PTPN21: variants seen among roughly 807,000 people sequenced by gnomAD.
PTPN21 encodes the protein tyrosine-protein phosphatase non-receptor type 21.
Under a neutral mutation model 131.8 loss-of-function variants are expected in PTPN21, and 77 were observed. That is an observed-to-expected ratio of 0.58 (90% CI 0.49 to 0.71). The LOEUF is 0.71. Ranked by LOEUF, PTPN21 falls within the 30% of genes least tolerant of loss-of-function variation. The pLI, the probability that PTPN21 is intolerant of heterozygous loss-of-function variation, is 0.00. For missense variants in PTPN21, 1,552 were observed against 1,527.1 expected (o/e 1.02, Z -0.27); for synonymous variants, 715 against 621.3 (o/e 1.15, Z -2.24).
At chr14:88,472,000 G>A (rs1353929479) in intron 15 of PTPN21, among the ~76,000 whole-genome samples, 2 of 152,150 alleles carry the variant, frequency 1.3e-5, no homozygotes, top group African/African-American at 4.8e-5. Context: ...TTCGCACATG[G>A]AGAGTAGACA....
chr14:88,551,847 A>G (rs1047805358), intron 1 of PTPN21: 2 of 152,286 alleles, frequency 1.3e-5, no homozygotes, highest in African/African-American at 2.4e-5. Context: ...GGGCTCTAAC[A>G]GTTTTTAACC....
At chr14:88,477,456 A>AAAAAAAG (rs2077564543) in intron 13 of PTPN21, among the ~76,000 whole-genome samples, 1 of 140,358 alleles carries the variant, frequency 7.1e-6, no homozygotes, top group Non-Finnish European at 1.5e-5. Context: ...TAAAAAAAAA[A>AAAAAAAG]AAAAAAAAAA....
At chr14:88,490,897 G>GCC in intron 10 of PTPN21, among the ~76,000 whole-genome samples, 1 of 152,046 alleles carries the variant, frequency 6.6e-6, no homozygotes, top group South Asian at 2.1e-4. Context: ...GAGCAGGGGA[G>GCC]CCACCTACAC....
chr14:88,524,334 T>C (rs902019238), intron 2 of PTPN21, among the ~76,000 whole-genome samples: 9 of 152,164 alleles, frequency 5.9e-5, no homozygotes, highest in Non-Finnish European at 8.8e-5. Context: ...TACAGTCAAC[T>C]GATTTTAAAT....
Position 88,541,701 on chromosome 14 carries a change from C to A in PTPN21, c.180+8537G>T, listed in dbSNP as rs1013415758. On this transcript the variant is annotated intron_variant, in intron 2 of 18. Transcript: ENST00000556564. ...GAGCAATGAATGGCCCTTCCTGAGA[C>A]CTAAAGATGAAGGCCAAAGAAAAAA... Among the ~76,000 whole-genome samples, 3 of 152,120 alleles carry A rather than the reference C, an allele frequency of 2.0e-5. No individual in the cohort carries two copies. In the East Asian group the frequency reaches 5.8e-4, roughly 29 times the overall value.
At position 88,479,874 on chromosome 14, in the gene PTPN21, G is replaced by T; in HGVS notation, c.1557C>A (p.His519Gln). The T allele has an allele frequency of 1.3e-6, 2 of 1,580,290 alleles. No individual in the cohort carries two copies. The highest frequency in any genetic ancestry group is 1.7e-6 in the Non-Finnish European group (2 of 1,167,164). Residue 519 changes from histidine to glutamine, a missense_variant, in exon 13 of 19, where the codon CAC (histidine) becomes CAA (glutamine). His to Gln is a conservative substitution (Grantham distance 24, BLOSUM62 0). Coordinates refer to ENST00000556564, the MANE Select transcript of PTPN21 (RefSeq NM_007039.4). ...HCPFSLSYSF[H>Q]SPSPYPYPAE... ...CAGGGTAGGGGTAGGGAGACGGGCT[G>T]TGGAAGCTGTAGCTCAGGCTGAACG...
At chr14:88,539,866 TTAAG>T (rs2078681911) in intron 2 of PTPN21, among the ~76,000 whole-genome samples, 1 of 152,242 alleles carries the variant, frequency 6.6e-6, no homozygotes, top group African/African-American at 2.4e-5. Context: ...ACTGTATGGT[TTAAG>T]TGTTATTTCC....
chr14:88,535,505 A>C (rs1031636333), intron 2 of PTPN21, among the ~76,000 whole-genome samples: 20 of 152,258 alleles, frequency 1.3e-4, no homozygotes, highest in Admixed American at 1.1e-3. Context: ...TCTGTTTCTT[A>C]ATAGGGAATT....
chr14:88,533,965 G>C (rs532816272), intron 2 of PTPN21, among the ~76,000 whole-genome samples: 1 of 152,250 alleles, frequency 6.6e-6, no homozygotes, highest in Non-Finnish European at 1.5e-5. Flanking sequence ...GCATGTTACC[G>C]CCCCTGAAAA....
At chr14:88,486,857 T>G (rs1022347203) in intron 10 of PTPN21, among the ~76,000 whole-genome samples, 1 of 150,752 alleles carries the variant, frequency 6.6e-6, no homozygotes, top group African/African-American at 2.4e-5. Flanking sequence ...GTGCCTATAA[T>G]CCCAGCTACT....
Position 88,466,925 on chromosome 14 carries a change from A to AATG in PTPN21, c.*1209_*1211dup, listed in dbSNP as rs2077373349. The AATG allele has an allele frequency of 6.6e-6, 1 of 152,222 alleles. No homozygotes were observed. Among genetic ancestry groups the AATG allele is most frequent in the East Asian group, 1.9e-4 (1 of 5,200 alleles). 9.4% of individuals were successfully genotyped at this position (152,222 alleles called of 1,614,324 possible). A position where few individuals can be genotyped will look rare whatever the true frequency, so the allele number is the denominator to read the frequency against. On this transcript the variant is annotated 3_prime_UTR_variant, in exon 19 of 19. Coordinates refer to ENST00000556564, the MANE Select transcript of PTPN21 (RefSeq NM_007039.4). ...AATACGCCTCTTTAAGGCTTCTTTTAATGATACTATAATGCTGAATTTATT... is the reference window on the plus strand; with the variant it reads ...AATACGCCTCTTTAAGGCTTCTTTTAATGATGATACTATAATGCTGAATTTATT...
chr14:88,495,954 T>C (rs928492163), intron 10 of PTPN21, among the ~76,000 whole-genome samples: 19 of 152,130 alleles, frequency 1.2e-4, no homozygotes, highest in African/African-American at 3.9e-4. Flanking sequence ...AGCAGAGATA[T>C]GGTGCAGAGG....
intron 10 of PTPN21, among the ~76,000 whole-genome samples, chr14:88,487,555 T>TA (rs1298072486): frequency 6.6e-6 from 1 of 151,844 alleles, no homozygotes; most frequent in African/African-American, 2.4e-5. Context: ...AGAAAACTAG[T>TA]ACATACTAGT....
intron 2 of PTPN21, among the ~76,000 whole-genome samples, chr14:88,549,751 A>G (rs889025840): frequency 4.8e-5 from 7 of 145,648 alleles, no homozygotes; most frequent in Admixed American, 1.4e-4. Flanking sequence ...GGCACCCACC[A>G]CCACGCCCAG....
Position 88,473,363 on chromosome 14 carries a change from T to G in PTPN21, c.2649+302A>C, listed in dbSNP as rs545307220. The stretch of plus-strand genomic sequence containing the variant: ...GCTTTTCCCCTGTATGCTCCTGTAT[T>G]TTTGTAGATTTCTTCTCACTTTAAG... On this transcript the variant is annotated intron_variant, in intron 14 of 18. Transcript: ENST00000556564. Among the ~76,000 whole-genome samples, 5 of 152,282 alleles carry G rather than the reference T, an allele frequency of 3.3e-5. No individual in the cohort carries two copies. The South Asian group carries it at 1.0e-3, about 32-fold the overall frequency.
chr14:88,517,052 T>C, intron 3 of PTPN21, 40 bp downstream of exon 3: 1 of 1,606,000 alleles, frequency 6.2e-7, no homozygotes, highest in Non-Finnish European at 8.5e-7. Context: ...TACATCTCAC[T>C]AGACTATTTC....
rs1192959285 is a variant in PTPN21, at chr14:88,504,511, A to T, written c.517-16T>A. 3 of 1,599,796 alleles carry T rather than the reference A, an allele frequency of 1.9e-6. No homozygotes were observed. Among genetic ancestry groups the T allele is most frequent in the Non-Finnish European group, 2.6e-6 (3 of 1,167,052 alleles). ...GTAACCATCCCTGAAGAAAACACAC[A>T]GTGGTAAGTATGTGACAATTCACCC... On this transcript the variant is annotated splice_polypyrimidine_tract_variant and intron_variant, in intron 5 of 18. Coordinates refer to ENST00000556564, the MANE Select transcript of PTPN21 (RefSeq NM_007039.4).
intron 4 of PTPN21, 115 bp downstream of exon 4, chr14:88,507,808 T>C: frequency 1.8e-6 from 1 of 548,652 alleles, no homozygotes; most frequent in Non-Finnish European, 3.0e-6. Context: ...ATTTCACTAA[T>C]ATATAAACAC....
At chr14:88,530,907 T>C (rs567419727) in intron 2 of PTPN21, among the ~76,000 whole-genome samples, 17 of 152,172 alleles carry the variant, frequency 1.1e-4, no homozygotes, top group African/African-American at 4.1e-4. Flanking sequence ...AAAGAAACAA[T>C]GGACTTAAAC....
Sources: allele counts gnomAD v4.1 joint callset (sites outside exome capture counted in the v4.1 genomes callset), GRCh38; gene constraint gnomAD v4.1.1; transcripts MANE v1.5; gene names NCBI Gene and HGNC (gene_info 2026-07-23, HGNC 2026-07-21).